STK4: variants seen among roughly 807,000 people sequenced by gnomAD.
STK4 encodes serine/threonine-protein kinase 4.
A neutral mutation model predicts 64.9 loss-of-function variants in STK4; 30 were observed. That is an observed-to-expected ratio of 0.46 (90% CI 0.35 to 0.63). STK4 has a LOEUF of 0.63. Ranked by LOEUF, STK4 falls within the 20% of genes least tolerant of loss-of-function variation. STK4 has a pLI of 0.01. For missense variants in STK4, 466 were observed against 598.5 expected, an observed-to-expected ratio of 0.78 and a Z score of 2.31; for synonymous variants, 177 against 199.0, an observed-to-expected ratio of 0.89 and a Z score of 0.93.
intron 9 of STK4, among the ~76,000 whole-genome samples, chr20:45,002,711 A>G (rs998830791): frequency 1.3e-5 from 2 of 152,192 alleles, no homozygotes; most frequent in Admixed American, 6.5e-5. Flanking sequence ...GCAATGATCA[A>G]CTCACTGCCC....
At chr20:45,053,168 G>A in intron 10 of STK4, 2 of 1,611,318 alleles carry the variant, frequency 1.2e-6, no homozygotes, top group Non-Finnish European at 1.7e-6. Context: ...TACGCTTTCT[G>A]AGAAACCACA....
chr20:45,036,168 C>T (rs2068523964), intron 10 of STK4, among the ~76,000 whole-genome samples: 1 of 152,114 alleles, frequency 6.6e-6, no homozygotes, highest in Non-Finnish European at 1.5e-5. Flanking sequence ...CTCGATTGAG[C>T]CATTTCACAA....
chr20:45,054,195 T>G (rs1174462089), intron 10 of STK4, among the ~76,000 whole-genome samples: 1 of 152,184 alleles, frequency 6.6e-6, no homozygotes, highest in East Asian at 1.9e-4. Context: ...CTTCATTCTC[T>G]CTCTGTTTAG....
rs547567864 is a variant in STK4 at position 44,978,021 on chromosome 20, T to G, written c.117-422T>G. Among the ~76,000 whole-genome samples, 4 of 152,298 alleles carry G rather than the reference T, an allele frequency of 2.6e-5. No individual in the cohort carries two copies. In the East Asian group the frequency reaches 7.7e-4, roughly 29 times the overall value. On this transcript the variant is annotated intron_variant, in intron 2 of 10. Coordinates refer to ENST00000372806, the MANE Select transcript of STK4 (RefSeq NM_006282.5). ...ATCCTGGACTGATAACACAACTGGT[T>G]TCAAATCCTGGACTGATAACTTATG... is the stretch of plus-strand genomic sequence containing the variant.
At chr20:45,057,601 C>A (rs1343784873) in intron 10 of STK4, among the ~76,000 whole-genome samples, 1 of 152,096 alleles carries the variant, frequency 6.6e-6, no homozygotes, top group Non-Finnish European at 1.5e-5. Context: ...ATCATAGATT[C>A]CAAGTTGTAA....
Position 45,076,117 on chromosome 20 carries a change from CAG to C in STK4, c.*942_*943del, listed in dbSNP as rs1351438224. The C allele has an allele frequency of 1.3e-5, 2 of 152,612 alleles. No homozygotes were observed. Among genetic ancestry groups the C allele is most frequent in the Non-Finnish European group, 2.9e-5 (2 of 68,056 alleles). 9.5% of individuals were successfully genotyped at this position (152,612 alleles called of 1,614,324 possible). ...CATGTTGCTCCACATTCCTTACACA[CAG>C]GGGTAGAGGGGATTGCTTTTGTGAC... is the stretch of plus-strand genomic sequence containing the variant. On this transcript the variant is annotated 3_prime_UTR_variant, in exon 11 of 11. Coordinates refer to ENST00000372806, the MANE Select transcript of STK4 (RefSeq NM_006282.5). This position sits in a 1 kb window ranked among gnomAD's most constrained non-coding sequence, Gnocchi z 4.0.
At chr20:45,030,107 C>CT (rs34694436) in intron 10 of STK4, among the ~76,000 whole-genome samples, 38,122 of 140,362 alleles carry the variant, frequency 0.27, 5,523 homozygotes, top group Middle Eastern at 0.43. Context: ...CTCACAGTTG[C>CT]TTTTTTTTTT....
intron 3 of STK4, among the ~76,000 whole-genome samples, chr20:44,981,464 T>C (rs1313232964): frequency 1.3e-5 from 2 of 152,172 alleles, no homozygotes; most frequent in African/African-American, 4.8e-5. Context: ...CCTGTATCAT[T>C]ATTTCTTAAA....
intron 7 of STK4, 117 bp from the exon 8 acceptor site, chr20:45,000,275 G>T: frequency 3.8e-6 from 5 of 1,328,558 alleles, no homozygotes; most frequent in Non-Finnish European, 5.1e-6. Flanking sequence ...CAAAGAGAAA[G>T]ATCAGATTCG....
chr20:45,065,475 A>C (rs532225556), intron 10 of STK4, among the ~76,000 whole-genome samples: 1 of 152,078 alleles, frequency 6.6e-6, no homozygotes, highest in South Asian at 2.1e-4. Context: ...TGGTGTCTGG[A>C]TGATAGACAT....
intron 10 of STK4, among the ~76,000 whole-genome samples, chr20:45,063,306 C>T (rs1200432747): frequency 2.0e-5 from 3 of 152,018 alleles, no homozygotes; most frequent in Non-Finnish European, 4.4e-5. Context: ...CACCTGGCCT[C>T]ATTGTGGTTT....
At position 45,075,152 on chromosome 20, in the gene STK4, G is replaced by C; in HGVS notation, c.1440G>C (p.Lys480Asn). 1 of 1,614,052 alleles carries C rather than the reference G, an allele frequency of 6.2e-7. No individual in the cohort carries two copies. Among genetic ancestry groups the C allele is most frequent in the Non-Finnish European group, 8.5e-7 (1 of 1,180,022 alleles). The part of the protein sequence containing the change: ...RQPILDAIEA[K>N]KRRQQNF ...CCATCCTGGATGCCATAGAGGCTAA[G>C]AAGAGACGGCAACAAAACTTCTGAG... The change falls in exon 11 of 11, where the codon AAG (lysine) becomes AAC (asparagine). Residue 480 changes from lysine to asparagine, a missense_variant. Physicochemically the swap from Lys to Asn is moderately conservative, Grantham distance 94. Around this residue, in one of 2 missense-constraint regions of STK4, gnomAD observed 276 missense variants for 308.9 expected, o/e 0.89. Coordinates refer to ENST00000372806, the MANE Select transcript of STK4 (RefSeq NM_006282.5).
chr20:45,012,753 G>T (rs2068072324), intron 9 of STK4, among the ~76,000 whole-genome samples: 2 of 147,226 alleles, frequency 1.4e-5, no homozygotes, highest in Non-Finnish European at 3.0e-5. Flanking sequence ...TATGATTATA[G>T]TTTTTCCTTT....
At position 44,996,450 on chromosome 20, in the gene STK4, T is replaced by G. The variant is rs79866219; in HGVS notation, c.694-719T>G. ...CTATTAAAAGACTTACACAAATTCA[T>G]GTTCCCAAGGTAAGTCCTCCCTCTT... On this transcript the variant is annotated intron_variant, in intron 6 of 10. Transcript: ENST00000372806. Among the ~76,000 whole-genome samples the G allele has an allele frequency of 5.3e-4, 80 of 152,336 alleles. 1 individual carries two copies. The East Asian group carries it at 0.014, about 27-fold the overall frequency.
At chr20:44,991,272 T>C (rs1325659488) in intron 5 of STK4, among the ~76,000 whole-genome samples, 1 of 152,196 alleles carries the variant, frequency 6.6e-6, no homozygotes, top group Non-Finnish European at 1.5e-5. Flanking sequence ...CCCATTAAGG[T>C]TGCTTAGAGT....
intron 9 of STK4, among the ~76,000 whole-genome samples, chr20:45,020,210 G>A (rs1469314134): frequency 6.6e-6 from 1 of 152,176 alleles, no homozygotes; most frequent in Non-Finnish European, 1.5e-5. Flanking sequence ...AAGTGATATA[G>A]TACATTTTCT....
At chr20:45,023,286 G>A (rs762007119) in intron 9 of STK4, among the ~76,000 whole-genome samples, 2 of 152,328 alleles carry the variant, frequency 1.3e-5, no homozygotes, top group African/African-American at 2.4e-5. Flanking sequence ...GGGCAGATAC[G>A]GGATTGGCTG....
Position 45,048,761 on chromosome 20 carries a change from C to T in STK4, c.1305+23631C>T, listed in dbSNP as rs1489817015. 2.0e-5 allele frequency among the ~76,000 whole-genome samples: 3 copies of T among 152,200 alleles called. No homozygotes were observed. The East Asian group carries it at 5.8e-4, about 29-fold the overall frequency. On this transcript the variant is annotated intron_variant, in intron 10 of 10. Transcript: ENST00000372806. ...CCTCCCAAAGTGCTGGAATTACAGGCGTGAGCCACCATGCCCAGCCATGAT... is the reference window on the plus strand; with the variant it reads ...CCTCCCAAAGTGCTGGAATTACAGGTGTGAGCCACCATGCCCAGCCATGAT...
intron 10 of STK4, among the ~76,000 whole-genome samples, chr20:45,026,959 T>C (rs2068359376): frequency 1.3e-5 from 2 of 152,200 alleles, no homozygotes; most frequent in African/African-American, 4.8e-5. Flanking sequence ...CCATGTTGCC[T>C]GTATAGTTGT....
Sources: allele counts gnomAD v4.1 joint callset (sites outside exome capture counted in the v4.1 genomes callset), GRCh38; gene constraint gnomAD v4.1.1; regional missense constraint gnomAD v4.1.1; non-coding constraint Gnocchi (gnomAD v3.1); transcripts MANE v1.5; gene names NCBI Gene and HGNC (gene_info 2026-07-23, HGNC 2026-07-21).